EIF2A: variants seen among roughly 807,000 people sequenced by gnomAD.
EIF2A encodes eukaryotic translation initiation factor 2A, also known as 65 kDa eukaryotic translation initiation factor 2A.
EIF2A carries 62 observed loss-of-function variants against 75.2 expected under a neutral mutation model. That is an observed-to-expected ratio of 0.82 (90% CI 0.67 to 1.02). The LOEUF is 1.02. Ranked by LOEUF, EIF2A falls within the 50% of genes least tolerant of loss-of-function variation. The pLI is 0.00. For missense variants in EIF2A, 611 were observed against 677.7 expected (o/e 0.90, Z 1.09); for synonymous variants, 207 against 239.0 (o/e 0.87, Z 1.23).
In EIF2A at chr3:150,585,479, A is replaced by T. The variant is rs1725421403; in HGVS notation, c.*1568A>T. The T allele has an allele frequency of 6.6e-6, 1 of 152,182 alleles. No homozygotes were observed. Among genetic ancestry groups the T allele is most frequent in the African/African-American group, 2.4e-5 (1 of 41,436 alleles). The allele number at this position is 152,182 out of a possible 1,614,324, so 9.4% of individuals were successfully genotyped here. A position where few individuals can be genotyped will look rare whatever the true frequency, so the allele number is the denominator to read the frequency against. On this transcript the variant is annotated 3_prime_UTR_variant, in exon 14 of 14. Coordinates refer to ENST00000460851, the MANE Select transcript of EIF2A (RefSeq NM_032025.5). ...GGTTGCAGTGAGCCGACATCGTGCC[A>T]TTGCACTCCAAGCCTGGGCAACAAG...
At chr3:150,565,297 T>A (rs898067895) in intron 6 of EIF2A, 5 of 443,022 alleles carry the variant, frequency 1.1e-5, no homozygotes, top group Non-Finnish European at 2.3e-5. Context: ...AATGTCTGGT[T>A]GTCTTTAATT....
At chr3:150,571,281 A>G (rs1724500443) in intron 9 of EIF2A, among the ~76,000 whole-genome samples, 1 of 151,880 alleles carries the variant, frequency 6.6e-6, no homozygotes, top group Non-Finnish European at 1.5e-5. Flanking sequence ...CTGGGATTAC[A>G]GGTGCATGCC....
Position 150,562,674 on chromosome 3 carries a change from CAG to C in EIF2A, c.292+15_292+16del. Reference sequence around the variant, plus strand: ...AGCCTTACACTAGTAAGTATTTTCTCAGTGTAAAAATACTCTGACACGATCAA... The same window carrying C: ...AGCCTTACACTAGTAAGTATTTTCTCTGTAAAAATACTCTGACACGATCAA... On this transcript the variant is annotated intron_variant, in intron 4 of 13. Transcript: ENST00000460851. The C allele has an allele frequency of 6.3e-7, 1 of 1,592,698 alleles. No individual in the cohort carries two copies. The highest frequency in any genetic ancestry group is 1.1e-5 in the South Asian group (1 of 89,658).
chr3:150,555,882 A>G (rs1206706756), intron 2 of EIF2A, among the ~76,000 whole-genome samples: 3 of 152,174 alleles, frequency 2.0e-5, no homozygotes, highest in Non-Finnish European at 4.4e-5. Context: ...GTGACCACAA[A>G]TCCACAAAAT....
At chr3:150,559,764 G>C (rs1305113856) in intron 3 of EIF2A, among the ~76,000 whole-genome samples, 1 of 152,040 alleles carries the variant, frequency 6.6e-6, no homozygotes, top group Non-Finnish European at 1.5e-5. Flanking sequence ...CAAAGTGCTA[G>C]GATTACAGGC....
Position 150,558,379 on chromosome 3 carries a change from C to A in EIF2A, c.99-9C>A. On this transcript the variant is annotated splice_polypyrimidine_tract_variant and intron_variant, in intron 2 of 13. Transcript: ENST00000460851. ...ATTCATTTAAACCTTTTTTTTTTGT[C>A]ATTTTCAGGGAATCTGGGAAGAATT... 1 of 1,471,532 alleles carries A rather than the reference C, an allele frequency of 6.8e-7. No homozygotes were observed. The highest frequency in any genetic ancestry group is 1.4e-5 in the South Asian group (1 of 71,446). 91.2% of individuals were successfully genotyped at this position (1,471,532 alleles called of 1,614,324 possible). A position where few individuals can be genotyped will look rare whatever the true frequency, so the allele number is the denominator to read the frequency against.
In EIF2A at chr3:150,563,613, TG is replaced by T; in HGVS notation, c.392+1del. The stretch of plus-strand genomic sequence containing the variant: ...TTTCATCCAGAAAAAAATGCAAAAT[TG>T]GTAAATAAATGGCTTAAAATACTAA... ...KSFIQKKMQN[W>X]CPSWSEDETL... On this transcript the variant is annotated frameshift_variant and splice_region_variant, in exon 5 of 14. Transcript: ENST00000460851. LOFTEE classifies it high-confidence loss of function. 6.5e-7 allele frequency: 1 copy of T among 1,528,512 alleles called. No homozygotes were observed. Among genetic ancestry groups the T allele is most frequent in the South Asian group, 1.3e-5 (1 of 78,636 alleles). The allele number at this position is 1,528,512 out of a possible 1,614,324, so 94.7% of individuals were successfully genotyped here.
rs746327593 is a variant in EIF2A at position 150,575,851 on chromosome 3, G to C, written c.1497+89G>C. The C allele has an allele frequency of 6.1e-5, 67 of 1,104,050 alleles. No homozygotes were observed. In the African/African-American group the frequency reaches 8.9e-4, roughly 15 times the overall value. The allele number at this position is 1,104,050 out of a possible 1,614,324, so 68.4% of individuals were successfully genotyped here. On this transcript the variant is annotated intron_variant, in intron 11 of 13. Transcript: ENST00000460851. ...CGCCCGTAATCCCAGCACTTTGGGA[G>C]GCTGAGGCGAGTGGATCACTTGAGG...
At position 150,564,359 on chromosome 3, in the gene EIF2A, C is replaced by G; in HGVS notation, c.453C>G (p.His151Gln). Reference sequence around the variant, plus strand: ...CCCGCAATGTTAACAATGAAGTTCACTTCTTTGAAAACAACAATTTTAGTA... The same window carrying G: ...CCCGCAATGTTAACAATGAAGTTCAGTTCTTTGAAAACAACAATTTTAGTA... ...LCARNVNNEVHFFENNNFNTI... is the reference protein window; with the variant it reads ...LCARNVNNEVQFFENNNFNTI... Residue 151 changes from histidine (H) to glutamine (Q), a missense_variant, in exon 6 of 14, where the codon CAC becomes CAG. By Grantham distance (24) the His-to-Gln change is conservative. Coordinates refer to ENST00000460851, the MANE Select transcript of EIF2A (RefSeq NM_032025.5). 1.2e-6 allele frequency: 2 copies of G among 1,601,232 alleles called. No individual in the cohort carries two copies. The highest frequency in any genetic ancestry group is 1.7e-5 in the Admixed American group (1 of 57,852).
At chr3:150,559,023 T>C (rs552645915) in intron 3 of EIF2A, among the ~76,000 whole-genome samples, 1 of 152,302 alleles carries the variant, frequency 6.6e-6, no homozygotes, top group Non-Finnish European at 1.5e-5. Flanking sequence ...CCTTTTTAAT[T>C]TTTCAAGAGT....
intron 3 of EIF2A, 112 bp downstream of exon 3, chr3:150,558,574 A>G: frequency 2.1e-6 from 2 of 951,648 alleles, no homozygotes; most frequent in Admixed American, 4.2e-5. Flanking sequence ...TTTTAATGTC[A>G]TGATGTAGTG....
intron 2 of EIF2A, 91 bp downstream of exon 2, chr3:150,552,516 A>G: frequency 1.9e-6 from 2 of 1,045,654 alleles, no homozygotes; most frequent in Non-Finnish European, 2.8e-6. Flanking sequence ...CAAGAAAGGA[A>G]AAGAACAGAT....
intron 11 of EIF2A, among the ~76,000 whole-genome samples, chr3:150,577,626 G>C (rs1184348801): frequency 1.3e-5 from 2 of 148,730 alleles, no homozygotes; most frequent in Non-Finnish European, 3.0e-5. Flanking sequence ...TTGCCATGTT[G>C]CCCAGGCTAG....
At chr3:150,565,101 T>A (rs1347878590) in intron 6 of EIF2A, 1 of 442,306 alleles carries the variant, frequency 2.3e-6, no homozygotes, top group Admixed American at 2.5e-5. Context: ...ACAAGGTTAT[T>A]TGTCTTTCAC....
At chr3:150,556,990 GAA>G (rs1723602295) in intron 2 of EIF2A, among the ~76,000 whole-genome samples, 1 of 152,146 alleles carries the variant, frequency 6.6e-6, no homozygotes, top group Non-Finnish European at 1.5e-5. Flanking sequence ...TGAGAAATGA[GAA>G]AGTCTTTGGG....
At chr3:150,562,785 G>A (rs1723960275) in intron 4 of EIF2A, 125 bp downstream of exon 4, 3 of 659,378 alleles carry the variant, frequency 4.5e-6, no homozygotes, top group South Asian at 3.7e-5. Context: ...AATAGTGTTT[G>A]TGAATATTTA....
At chr3:150,577,328 AG>A (rs1260158630) in intron 11 of EIF2A, among the ~76,000 whole-genome samples, 1 of 152,006 alleles carries the variant, frequency 6.6e-6, no homozygotes. Context: ...GCAGTGGGGT[AG>A]GGTTTTTGGA....
intron 11 of EIF2A, among the ~76,000 whole-genome samples, chr3:150,576,995 A>G (rs571487054): frequency 1.8e-4 from 28 of 152,256 alleles, no homozygotes; most frequent in South Asian, 4.1e-4. Context: ...ACATGTCTCA[A>G]TCCATTCAGG....
At chr3:150,558,101 A>G (rs1184045124) in intron 2 of EIF2A, among the ~76,000 whole-genome samples, 2 of 152,220 alleles carry the variant, frequency 1.3e-5, no homozygotes, top group African/African-American at 4.8e-5. Context: ...CTATCTCTAC[A>G]CATGAGAAAT....
Sources: allele counts gnomAD v4.1 joint callset (sites outside exome capture counted in the v4.1 genomes callset), GRCh38; gene constraint gnomAD v4.1.1; transcripts MANE v1.5; gene names NCBI Gene and HGNC (gene_info 2026-07-23, HGNC 2026-07-21).